AKT3: variants seen among roughly 807,000 people sequenced by gnomAD.
AKT3 encodes AKT serine/threonine kinase 3.
In AKT3, 15 loss-of-function variants were observed where a neutral mutation model predicts 65.3. The observed-to-expected ratio is 0.23, with a 90% CI of 0.15 to 0.35. The LOEUF (loss-of-function observed/expected upper bound fraction) is 0.35. Among genes scored for constraint, AKT3 ranks in the 10% least tolerant of loss-of-function variants. AKT3 has a pLI of 1.00. For missense variants in AKT3, 243 were observed against 576.5 expected (o/e 0.42, Z 5.92); for synonymous variants, 206 against 183.8 (o/e 1.12, Z -0.98).
chr1:243,590,050 G>A (rs896831434), intron 8 of AKT3, among the ~76,000 whole-genome samples: 1 of 152,134 alleles, frequency 6.6e-6, no homozygotes, highest in Non-Finnish European at 1.5e-5. Flanking sequence ...CAAACTCACA[G>A]AAACAGAAAG....
intron 2 of AKT3, among the ~76,000 whole-genome samples, chr1:243,736,152 A>G (rs1408694522): frequency 6.6e-6 from 1 of 152,212 alleles, no homozygotes; most frequent in Non-Finnish European, 1.5e-5. Context: ...GCCACTTATT[A>G]TCAGTGTAAC....
intron 3 of AKT3, among the ~76,000 whole-genome samples, chr1:243,668,221 C>T (rs915755706): frequency 6.6e-6 from 1 of 152,046 alleles, no homozygotes; most frequent in Non-Finnish European, 1.5e-5. Flanking sequence ...AATAATCCAA[C>T]AAAGAAGGTA....
intron 2 of AKT3, among the ~76,000 whole-genome samples, chr1:243,802,703 T>C (rs1243917385): frequency 6.6e-6 from 1 of 152,228 alleles, no homozygotes; most frequent in Non-Finnish European, 1.5e-5. Flanking sequence ...TCCATTTATT[T>C]TTACAGGCAA....
intron 2 of AKT3, among the ~76,000 whole-genome samples, chr1:243,813,139 G>T (rs907981981): frequency 1.3e-5 from 2 of 151,874 alleles, no homozygotes; most frequent in Non-Finnish European, 2.9e-5. Flanking sequence ...TAACAAACCT[G>T]CACGTTGTGC....
intron 4 of AKT3, among the ~76,000 whole-genome samples, chr1:243,648,061 C>T (rs1680976899): frequency 6.6e-6 from 1 of 151,982 alleles, no homozygotes; most frequent in Non-Finnish European, 1.5e-5. Context: ...AGTTCAAGAC[C>T]AGCCTGGCCA....
At chr1:243,788,286 A>G (rs1691391746) in intron 2 of AKT3, among the ~76,000 whole-genome samples, 1 of 152,252 alleles carries the variant, frequency 6.6e-6, no homozygotes, top group South Asian at 2.1e-4. Flanking sequence ...TTTATATAAT[A>G]GTAGATGTCA....
intron 12 of AKT3, among the ~76,000 whole-genome samples, chr1:243,523,260 AACACACACAC>A (rs547403507): frequency 6.1e-4 from 77 of 126,508 alleles, no homozygotes; most frequent in African/African-American, 1.7e-3. Flanking sequence ...AAAAAGGACG[AACACACACAC>A]ACACACACAC....
chr1:243,716,933 A>G (rs1323948435), intron 2 of AKT3, among the ~76,000 whole-genome samples: 1 of 152,236 alleles, frequency 6.6e-6, no homozygotes, highest in Non-Finnish European at 1.5e-5. Context: ...GAATACAGGT[A>G]GCCCTTTTGC....
Position 243,759,766 on chromosome 1 carries a change from G to A in AKT3, c.47-64050C>T, listed in dbSNP as rs372727620. 9.2e-5 allele frequency among the ~76,000 whole-genome samples: 14 copies of A among 152,166 alleles called. No homozygotes were observed. The East Asian group carries it at 1.2e-3, about 13-fold the overall frequency. On this transcript the variant is annotated intron_variant, in intron 2 of 13. Coordinates refer to ENST00000673466, the MANE Select transcript of AKT3 (RefSeq NM_005465.7). ...AAGGAAAAAGAGGAGATGGTAATAC[G>A]AAAATCACAAGGCAGGAGAAATTAA...
At chr1:243,635,886 T>C (rs1679937364) in intron 6 of AKT3, among the ~76,000 whole-genome samples, 1 of 152,078 alleles carries the variant, frequency 6.6e-6, no homozygotes, top group Admixed American at 6.6e-5. Flanking sequence ...GTGTTAATCA[T>C]CTTGCTATAA....
chr1:243,618,365 G>A (rs988032841), intron 6 of AKT3, among the ~76,000 whole-genome samples: 1 of 152,108 alleles, frequency 6.6e-6, no homozygotes, highest in African/African-American at 2.4e-5. Flanking sequence ...TAATGGTACT[G>A]TATTTCACAT....
In AKT3 at chr1:243,502,872, C is replaced by CT. The variant is rs1347954938; in HGVS notation, c.*2376dup. ...TCCTTGGCCAAGGTCATGGGAATCACTTTAAGATTTGCGGGAGAAAAAACC... is the reference window on the plus strand; with the variant it reads ...TCCTTGGCCAAGGTCATGGGAATCACTTTTAAGATTTGCGGGAGAAAAAACC... On this transcript the variant is annotated 3_prime_UTR_variant, in exon 14 of 14. Coordinates refer to ENST00000673466, the MANE Select transcript of AKT3 (RefSeq NM_005465.7). The CT allele has an allele frequency of 4.3e-6, 1 of 233,142 alleles. No individual in the cohort carries two copies. The highest frequency in any genetic ancestry group is 5.6e-5 in the Admixed American group (1 of 17,778). 14.4% of individuals were successfully genotyped at this position (233,142 alleles called of 1,614,324 possible). A position where few individuals can be genotyped will look rare whatever the true frequency, so the allele number is the denominator to read the frequency against.
chr1:243,846,219 C>T (rs1425102325), intron 1 of AKT3, among the ~76,000 whole-genome samples: 4 of 152,140 alleles, frequency 2.6e-5, no homozygotes, highest in Non-Finnish European at 4.4e-5. Flanking sequence ...TCCTTCCCCT[C>T]CCATCCCCTA....
chr1:243,839,160 A>G (rs922511977), intron 2 of AKT3, among the ~76,000 whole-genome samples: 9 of 152,182 alleles, frequency 5.9e-5, no homozygotes, highest in Non-Finnish European at 1.2e-4. Flanking sequence ...TACTATTGCA[A>G]TTTATTTAAT....
chr1:243,505,354 A>G lies in AKT3; in HGVS notation c.1355-20T>C, dbSNP rs765185824. The G allele has an allele frequency of 1.2e-6, 2 of 1,606,272 alleles. No homozygotes were observed. Among genetic ancestry groups the G allele is most frequent in the East Asian group, 2.2e-5 (1 of 44,822 alleles). On this transcript the variant is annotated intron_variant, in intron 13 of 13. Coordinates refer to ENST00000673466, the MANE Select transcript of AKT3 (RefSeq NM_005465.7). Reference sequence around the variant, plus strand: ...CATCATCTGTGGGCAGGAAACATCTATTTTAATTTTACACATTCATTTTTT... The same window carrying G: ...CATCATCTGTGGGCAGGAAACATCTGTTTTAATTTTACACATTCATTTTTT...
At chr1:243,806,209 C>A (rs1167100885) in intron 2 of AKT3, among the ~76,000 whole-genome samples, 1 of 152,126 alleles carries the variant, frequency 6.6e-6, no homozygotes, top group Non-Finnish European at 1.5e-5. Flanking sequence ...AAGTAGATAC[C>A]TTTACTATAG....
intron 2 of AKT3, among the ~76,000 whole-genome samples, chr1:243,730,682 T>C (rs1466546098): frequency 1.3e-5 from 2 of 152,158 alleles, no homozygotes; most frequent in Non-Finnish European, 2.9e-5. Flanking sequence ...CTGAACAAGC[T>C]GAAACCTGCT....
intron 2 of AKT3, among the ~76,000 whole-genome samples, chr1:243,739,105 A>G (rs1572256014): frequency 6.6e-6 from 1 of 152,180 alleles, no homozygotes; most frequent in East Asian, 1.9e-4. Flanking sequence ...GATTCCTATG[A>G]GAGCCTCTGA....
intron 2 of AKT3, among the ~76,000 whole-genome samples, chr1:243,803,579 G>A (rs1289107817): frequency 6.6e-6 from 1 of 151,152 alleles, no homozygotes; most frequent in African/African-American, 2.4e-5. Flanking sequence ...CCTTCCTAAG[G>A]AATGTGATTT....
Sources: allele counts gnomAD v4.1 joint callset (sites outside exome capture counted in the v4.1 genomes callset), GRCh38; gene constraint gnomAD v4.1.1; transcripts MANE v1.5; gene names NCBI Gene and HGNC (gene_info 2026-07-23, HGNC 2026-07-21).